The following CTNNA3 variants were observed in gnomAD, a reference collection of about 807,000 sequenced individuals.
CTNNA3 encodes the protein catenin alpha-3.
In CTNNA3, 76 loss-of-function variants were observed where a neutral mutation model predicts 95.7. The observed-to-expected ratio is 0.79, with a 90% CI of 0.66 to 0.96. CTNNA3 has a LOEUF of 0.96. Among genes scored for constraint, CTNNA3 ranks in the 40% least tolerant of loss-of-function variants. The pLI, the probability that CTNNA3 is intolerant of heterozygous loss-of-function variation, is 0.00. For synonymous variants in CTNNA3, 431 were observed against 374.4 expected (o/e 1.15, Z -1.74); for missense variants, 1,191 against 1,089.8 (o/e 1.09, Z -1.31).
intron 5 of CTNNA3, among the ~76,000 whole-genome samples, chr10:67,320,901 C>T (rs954487455): frequency 2.6e-5 from 4 of 152,086 alleles, no homozygotes; most frequent in African/African-American, 9.7e-5. Flanking sequence ...TTAACAAATC[C>T]TAAAGTAGTT....
intron 11 of CTNNA3, among the ~76,000 whole-genome samples, chr10:66,444,703 C>G (rs547424121): frequency 1.3e-5 from 2 of 152,232 alleles, no homozygotes; most frequent in East Asian, 3.9e-4. Flanking sequence ...ACAACCGGTA[C>G]CAGCCACTGC....
At chr10:66,361,052 G>A (rs1167316238) in intron 12 of CTNNA3, among the ~76,000 whole-genome samples, 1 of 151,094 alleles carries the variant, frequency 6.6e-6, no homozygotes, top group Non-Finnish European at 1.5e-5. Context: ...GAACTCCTGG[G>A]CTCAAGTGAT....
chr10:66,792,438 T>A (rs1484288826), intron 7 of CTNNA3, among the ~76,000 whole-genome samples: 1 of 152,170 alleles, frequency 6.6e-6, no homozygotes, highest in Non-Finnish European at 1.5e-5. Flanking sequence ...ATTATTTATG[T>A]CTAGGTGGGG....
chr10:67,602,443 G>C (rs547582317), intron 3 of CTNNA3, among the ~76,000 whole-genome samples: 1 of 152,142 alleles, frequency 6.6e-6, no homozygotes, highest in Non-Finnish European at 1.5e-5. Context: ...AGTTGCTGGC[G>C]GTAGCTCATT....
intron 5 of CTNNA3, among the ~76,000 whole-genome samples, chr10:67,310,948 T>C (rs553088047): frequency 6.6e-6 from 1 of 152,364 alleles, no homozygotes; most frequent in African/African-American, 2.4e-5. Flanking sequence ...TATTTTATAA[T>C]AAAGATAATT....
At chr10:66,230,708 G>T (rs1228914246) in intron 13 of CTNNA3, among the ~76,000 whole-genome samples, 2 of 152,060 alleles carry the variant, frequency 1.3e-5, no homozygotes, top group Admixed American at 1.3e-4. Context: ...GCCCCATTTT[G>T]GATGAAGCAG....
intron 6 of CTNNA3, among the ~76,000 whole-genome samples, chr10:67,211,985 C>A (rs12258239): frequency 0.023 from 3,569 of 152,060 alleles, 140 homozygotes; most frequent in African/African-American, 0.079. Context: ...GATGCTAGTA[C>A]CTTAAATTTG....
At chr10:67,634,247 A>G (rs913216391) in intron 2 of CTNNA3, among the ~76,000 whole-genome samples, 3 of 152,230 alleles carry the variant, frequency 2.0e-5, no homozygotes, top group Non-Finnish European at 4.4e-5. Context: ...TAAATGAAGA[A>G]GAAATAAGAT....
At chr10:66,095,954 A>G (rs1399807266) in intron 14 of CTNNA3, among the ~76,000 whole-genome samples, 1 of 152,112 alleles carries the variant, frequency 6.6e-6, no homozygotes, top group African/African-American at 2.4e-5. Flanking sequence ...CTTAGTCATC[A>G]AGCAAAGACT....
intron 13 of CTNNA3, among the ~76,000 whole-genome samples, chr10:66,182,485 G>T (rs2086101099): frequency 6.6e-6 from 1 of 152,046 alleles, no homozygotes; most frequent in African/African-American, 2.4e-5. Context: ...TCGATCTCCT[G>T]ATCTCGTGAT....
At chr10:66,428,787 C>T (rs1010839095) in intron 11 of CTNNA3, among the ~76,000 whole-genome samples, 1 of 151,512 alleles carries the variant, frequency 6.6e-6, no homozygotes, top group Non-Finnish European at 1.5e-5. Flanking sequence ...ACTAAATGCC[C>T]ACAAGAGAAA....
intron 5 of CTNNA3, among the ~76,000 whole-genome samples, chr10:67,416,586 C>A (rs1336980220): frequency 8.3e-6 from 1 of 120,040 alleles, no homozygotes; most frequent in African/African-American, 3.3e-5. Context: ...CCAGCCTGGG[C>A]GACAGAGAGA....
chr10:66,108,495 T>C (rs897635264), intron 13 of CTNNA3, among the ~76,000 whole-genome samples: 3 of 152,206 alleles, frequency 2.0e-5, no homozygotes, highest in Non-Finnish European at 2.9e-5. Context: ...CTGGCCAGTC[T>C]AACTAAAGTT....
At chr10:67,463,218 T>C (rs1847452376) in intron 5 of CTNNA3, among the ~76,000 whole-genome samples, 1 of 152,114 alleles carries the variant, frequency 6.6e-6, no homozygotes, top group South Asian at 2.1e-4. Flanking sequence ...GTAAGGATTA[T>C]TTTACATAAT....
intron 3 of CTNNA3, among the ~76,000 whole-genome samples, chr10:67,599,145 A>C (rs10997746): frequency 0.18 from 26,744 of 152,074 alleles, 3,407 homozygotes; most frequent in East Asian, 0.67. Flanking sequence ...CTCTGTAAGA[A>C]TAAAAACCGA....
intron 13 of CTNNA3, among the ~76,000 whole-genome samples, chr10:66,139,683 T>C (rs2083517467): frequency 6.6e-6 from 1 of 152,124 alleles, no homozygotes; most frequent in South Asian, 2.1e-4. Flanking sequence ...TAGACCATCA[T>C]AATTGTCCCT....
rs527571116 is a variant in CTNNA3 at position 66,649,793 on chromosome 10, G to A, written c.1282-28009C>T. Among the ~76,000 whole-genome samples, 17 of 152,286 alleles carry A rather than the reference G, an allele frequency of 1.1e-4. No homozygotes were observed. In the South Asian group the frequency reaches 3.5e-3, roughly 32 times the overall value. ...GCAAGCCCTACCAGCCCTGGCCCTT[G>A]GTCAGAACCAGACATCACAGATGTA... is the stretch of plus-strand genomic sequence containing the variant. On this transcript the variant is annotated intron_variant, in intron 9 of 17. Transcript: ENST00000433211.
intron 7 of CTNNA3, among the ~76,000 whole-genome samples, chr10:67,148,337 C>T (rs1239035628): frequency 6.6e-6 from 1 of 152,146 alleles, no homozygotes; most frequent in African/African-American, 2.4e-5. Flanking sequence ...CTTGAATGAA[C>T]TAATATACTT....
chr10:67,374,319 G>T (rs960315983), intron 5 of CTNNA3, among the ~76,000 whole-genome samples: 1 of 152,078 alleles, frequency 6.6e-6, no homozygotes, highest in African/African-American at 2.4e-5. Context: ...TGGTCCAAGG[G>T]CTGTAGTTTG....
Sources: allele counts gnomAD v4.1 joint callset (sites outside exome capture counted in the v4.1 genomes callset), GRCh38; gene constraint gnomAD v4.1.1; transcripts MANE v1.5; gene names NCBI Gene and HGNC (gene_info 2026-07-23, HGNC 2026-07-21).